Variants in TSN observed in about 807,000 individuals in gnomAD.
TSN encodes the protein component 3 of promoter of RISC.
A neutral mutation model predicts 29.4 loss-of-function variants in TSN; 5 were observed. That is an observed-to-expected ratio of 0.17 (90% confidence interval 0.09 to 0.36). The LOEUF is 0.36. Among genes scored for constraint, TSN ranks in the 10% least tolerant of loss-of-function variants. TSN has a pLI of 1.00. For missense variants in TSN, 159 were observed against 272.8 expected (o/e 0.58, Z 2.94); for synonymous variants, 106 against 102.2 (o/e 1.04, Z -0.23).
intron 2 of TSN, among the ~76,000 whole-genome samples, chr2:121,758,192 G>T (rs1215042881): frequency 6.6e-6 from 1 of 152,146 alleles, no homozygotes; most frequent in Non-Finnish European, 1.5e-5. Flanking sequence ...TTTAGACATG[G>T]AACCTTCATT....
Position 121,761,555 on chromosome 2 carries a change from A to G in TSN, c.373+31A>G, listed in dbSNP as rs376465946. 37 of 1,520,202 alleles carry G rather than the reference A, an allele frequency of 2.4e-5. 1 individual carries two copies. In the Middle Eastern group the frequency reaches 5.1e-4, roughly 21 times the overall value. The allele number at this position is 1,520,202 out of a possible 1,614,324, so 94.2% of individuals were successfully genotyped here. A position where few individuals can be genotyped will look rare whatever the true frequency, so the allele number is the denominator to read the frequency against. On this transcript the variant is annotated intron_variant, in intron 4 of 5. Coordinates refer to ENST00000389682, the MANE Select transcript of TSN (RefSeq NM_004622.3). ...TGTCTTTATTAGTGGGATCTGCAGA[A>G]TCAGGCATGGTTGCTTACTTTTTGG...
chr2:121,761,592 G>A, intron 4 of TSN, 68 bp downstream of exon 4: 3 of 1,193,782 alleles, frequency 2.5e-6, no homozygotes, highest in Non-Finnish European at 3.7e-6. Context: ...GGAAAGGGTG[G>A]TTGTACTTTG....
intron 3 of TSN, among the ~76,000 whole-genome samples, chr2:121,760,864 T>C (rs551785576): frequency 6.7e-6 from 1 of 149,948 alleles, no homozygotes; most frequent in African/African-American, 2.5e-5. Flanking sequence ...AGTTTTCTTT[T>C]TTCTGTCTTT....
In TSN at chr2:121,765,234, A is replaced by G. The variant is rs940958398; in HGVS notation, c.554A>G (p.Asn185Ser). 4 of 1,614,088 alleles carry G rather than the reference A, an allele frequency of 2.5e-6. No individual in the cohort carries two copies. The highest frequency in any genetic ancestry group is 3.3e-5 in the Admixed American group (2 of 60,000). The change falls in exon 6 of 6, where the codon AAC (asparagine) becomes AGC (serine). Residue 185 changes from asparagine (N) to serine (S), a missense_variant. Coordinates refer to ENST00000389682, the MANE Select transcript of TSN (RefSeq NM_004622.3). ...NELDSGFRLL[N>S]LKNDSLRKRY... is the part of the protein sequence containing the mutation. ...CTGGATTCCGGTTTTCGCCTTCTCA[A>G]CCTGAAAAATGACTCCCTGAGGAAG...
At chr2:121,756,249 G>T in intron 1 of TSN, 1 of 251,488 alleles carries the variant, frequency 4.0e-6, no homozygotes, top group African/African-American at 2.3e-5. Context: ...ACTCTACTGT[G>T]GCTCACATGG....
chr2:121,759,345 A>G (rs2074789649), intron 3 of TSN, among the ~76,000 whole-genome samples: 1 of 152,204 alleles, frequency 6.6e-6, no homozygotes, highest in Admixed American at 6.5e-5. Flanking sequence ...GTGGTGGCTC[A>G]CACCTGTAAT....
chr2:121,755,983 A>G, intron 1 of TSN, 138 bp downstream of exon 1: 1 of 1,484,850 alleles, frequency 6.7e-7, no homozygotes, highest in Non-Finnish European at 9.0e-7. Flanking sequence ...GCTTTAGGTT[A>G]GGCACTCCCC....
chr2:121,760,578 A>G lies in TSN; in HGVS notation c.258-831A>G, dbSNP rs968422329. ...TTTGAGAATCAGGAGGCATTGCATA[A>G]ATATCCACAGGTTGTAAAATTTCCT... On this transcript the variant is annotated intron_variant, in intron 3 of 5. Coordinates refer to ENST00000389682, the MANE Select transcript of TSN (RefSeq NM_004622.3). 2.0e-5 allele frequency among the ~76,000 whole-genome samples: 3 copies of G among 152,204 alleles called. No homozygotes were observed. The South Asian group carries it at 6.2e-4, about 32-fold the overall frequency.
intron 1 of TSN, among the ~76,000 whole-genome samples, chr2:121,756,994 A>T (rs2074759438): frequency 6.6e-6 from 1 of 152,148 alleles, no homozygotes; most frequent in South Asian, 2.1e-4. Context: ...TTGCGTTCAC[A>T]CACGTCATCC....
intron 1 of TSN, chr2:121,756,464 C>CT (rs1376366041): frequency 4.6e-5 from 12 of 261,534 alleles, no homozygotes; most frequent in African/African-American, 2.1e-4. Flanking sequence ...AGCACATTAA[C>CT]TTTTTTTAAT....
At chr2:121,757,082 T>G (rs1192076749) in intron 1 of TSN, among the ~76,000 whole-genome samples, 158 bp from the exon 2 acceptor site, 1 of 152,198 alleles carries the variant, frequency 6.6e-6, no homozygotes, top group East Asian at 1.9e-4. Context: ...AATCTAAGGC[T>G]TTTTAGTGAC....
At chr2:121,764,932 AT>A (rs1200122853) in intron 5 of TSN, among the ~76,000 whole-genome samples, 3 of 152,188 alleles carry the variant, frequency 2.0e-5, no homozygotes, top group African/African-American at 7.2e-5. Context: ...GTAATGTTAA[AT>A]TTTACTTGGC....
chr2:121,763,787 A>T (rs181699447), intron 5 of TSN, among the ~76,000 whole-genome samples: 3,467 of 151,764 alleles, frequency 0.023, 49 homozygotes, highest in South Asian at 0.033. Context: ...AAGTCTAAAG[A>T]AAAAAAAAGC....
At chr2:121,756,075 G>A in intron 1 of TSN, 1 of 895,226 alleles carries the variant, frequency 1.1e-6, no homozygotes, top group South Asian at 1.9e-5. Flanking sequence ...CCTCGTTTGT[G>A]TCAGTTTTCC....
At chr2:121,756,778 G>C (rs1205106076) in intron 1 of TSN, 1 of 408,736 alleles carries the variant, frequency 2.4e-6, no homozygotes, top group African/African-American at 2.2e-5. Flanking sequence ...GCATGGTTGC[G>C]CACACCTGTA....
At chr2:121,762,443 T>G (rs150178555) in intron 4 of TSN, among the ~76,000 whole-genome samples, 2 of 152,336 alleles carry the variant, frequency 1.3e-5, no homozygotes, top group East Asian at 3.9e-4. Context: ...CCAAATATTT[T>G]CTATCCATAG....
chr2:121,765,628 T>C lies in TSN; in HGVS notation c.*261T>C. 1 of 488,926 alleles carries C rather than the reference T, an allele frequency of 2.0e-6. No homozygotes were observed. Among genetic ancestry groups the C allele is most frequent in the Admixed American group, 3.7e-5 (1 of 26,856 alleles). The allele number at this position is 488,926 out of a possible 1,614,324, so 30.3% of individuals were successfully genotyped here. A position where few individuals can be genotyped will look rare whatever the true frequency, so the allele number is the denominator to read the frequency against. The stretch of plus-strand genomic sequence containing the variant: ...TTTCAGTTCCGTCAGAAAGTGTAAA[T>C]GTTAGTTTCTTGGTAAAGTCCTTTT... On this transcript the variant is annotated 3_prime_UTR_variant, in exon 6 of 6. Coordinates refer to ENST00000389682, the MANE Select transcript of TSN (RefSeq NM_004622.3).
chr2:121,759,731 G>T (rs1054963577), intron 3 of TSN, among the ~76,000 whole-genome samples: 3 of 152,118 alleles, frequency 2.0e-5, no homozygotes, highest in Non-Finnish European at 4.4e-5. Context: ...TACTGAAAAA[G>T]ATGTTCTTTT....
chr2:121,762,943 T>C, intron 4 of TSN, 62 bp from the exon 5 acceptor site: 1 of 1,434,226 alleles, frequency 7.0e-7, no homozygotes, highest in Non-Finnish European at 9.5e-7. Context: ...TATGTGTATA[T>C]TTTTATATTC....
Sources: gnomAD v4.1 joint callset for allele counts (sites outside exome capture counted in the v4.1 genomes callset) on GRCh38, gnomAD v4.1.1 for gene constraint, MANE v1.5 for transcripts, NCBI Gene and HGNC (gene_info 2026-07-23, HGNC 2026-07-21) for gene names.